Variants in RGS7 observed in about 807,000 individuals in gnomAD.
RGS7 encodes regulator of G-protein signaling 7.
RGS7 carries 27 observed loss-of-function variants against 81.1 expected under a neutral mutation model. The ratio of observed to expected loss-of-function variants is 0.33; its 90% CI spans 0.25 to 0.46. RGS7 has a LOEUF of 0.46. RGS7 is among the 20% of genes least tolerant of loss of function. The pLI, the probability that RGS7 is intolerant of heterozygous loss-of-function variation, is 1.00. For synonymous variants in RGS7, 208 were observed against 207.7 expected (o/e 1.00, Z -0.01); for missense variants, 396 against 607.4 (o/e 0.65, Z 3.66).
intron 3 of RGS7, among the ~76,000 whole-genome samples, chr1:241,079,329 T>G (rs2678778): frequency 0.16 from 24,467 of 152,142 alleles, 2,046 homozygotes; most frequent in African/African-American, 0.19. Flanking sequence ...CAAACACTGA[T>G]TACTAAAGAG....
At chr1:241,036,775 G>A (rs1002124090) in intron 3 of RGS7, among the ~76,000 whole-genome samples, 1 of 152,152 alleles carries the variant, frequency 6.6e-6, no homozygotes, top group East Asian at 1.9e-4. Flanking sequence ...CTAGCTTGCC[G>A]TGCAGTTAGA....
intron 3 of RGS7, among the ~76,000 whole-genome samples, chr1:240,996,624 T>C (rs1687328096): frequency 1.3e-5 from 2 of 152,346 alleles, no homozygotes; most frequent in South Asian, 4.1e-4. Flanking sequence ...TATTCCAGGT[T>C]TCCTTTAATC....
intron 2 of RGS7, among the ~76,000 whole-genome samples, chr1:241,129,386 A>AT (rs1217898074): frequency 6.6e-6 from 1 of 152,184 alleles, no homozygotes; most frequent in East Asian, 1.9e-4. Flanking sequence ...GTTAAGTCAG[A>AT]TTCTTTCCGT....
chr1:240,948,872 C>T (rs932726454), intron 4 of RGS7, among the ~76,000 whole-genome samples: 2 of 150,524 alleles, frequency 1.3e-5, no homozygotes, highest in African/African-American at 4.9e-5. Context: ...TTTAAATTCT[C>T]ACCAAAAGGG....
At chr1:241,220,876 G>C (rs1204258344) in intron 2 of RGS7, among the ~76,000 whole-genome samples, 2 of 151,328 alleles carry the variant, frequency 1.3e-5, no homozygotes, top group Admixed American at 6.6e-5. Context: ...ACTCCAGCCT[G>C]GGTGACAGAC....
At chr1:241,302,619 T>A (rs2079839823) in intron 2 of RGS7, among the ~76,000 whole-genome samples, 1 of 152,148 alleles carries the variant, frequency 6.6e-6, no homozygotes, top group African/African-American at 2.4e-5. Flanking sequence ...GAATTTTCAG[T>A]AAAACAAATT....
At chr1:240,853,378 A>G (rs918631536) in intron 9 of RGS7, among the ~76,000 whole-genome samples, 12 of 152,226 alleles carry the variant, frequency 7.9e-5, no homozygotes, top group African/African-American at 2.9e-4. Flanking sequence ...TTACATTATG[A>G]TAACACTCTC....
chr1:240,986,487 A>G (rs1477949562), intron 3 of RGS7, among the ~76,000 whole-genome samples: 1 of 152,082 alleles, frequency 6.6e-6, no homozygotes, highest in African/African-American at 2.4e-5. Context: ...CCCCTCCCCA[A>G]ATTCTATTTT....
intron 2 of RGS7, among the ~76,000 whole-genome samples, chr1:241,099,490 G>A (rs935605767): frequency 2.6e-5 from 4 of 152,024 alleles, no homozygotes; most frequent in South Asian, 2.1e-4. Flanking sequence ...CCTTCTGTCC[G>A]TTTACTAGAT....
intron 14 of RGS7, among the ~76,000 whole-genome samples, chr1:240,808,707 A>G (rs1689309421): frequency 6.6e-6 from 1 of 152,138 alleles, no homozygotes; most frequent in Non-Finnish European, 1.5e-5. Flanking sequence ...TAATTATTGT[A>G]ATAGCTTAAT....
At chr1:240,991,832 G>A (rs80180902) in intron 3 of RGS7, among the ~76,000 whole-genome samples, 3,294 of 152,140 alleles carry the variant, frequency 0.022, 45 homozygotes, top group Non-Finnish European at 0.033. Context: ...ATGCTAGCTG[G>A]TAGGCATAAA....
At chr1:240,886,271 A>G (rs1667321892) in intron 6 of RGS7, among the ~76,000 whole-genome samples, 1 of 152,212 alleles carries the variant, frequency 6.6e-6, no homozygotes, top group Non-Finnish European at 1.5e-5. Context: ...CACCTTTTTA[A>G]AGTACCACAA....
intron 2 of RGS7, among the ~76,000 whole-genome samples, chr1:241,135,472 G>A (rs1263588101): frequency 6.6e-6 from 1 of 152,076 alleles, no homozygotes; most frequent in Admixed American, 6.5e-5. Context: ...TGCTCCACAC[G>A]GCCTCGTGTT....
intron 4 of RGS7, among the ~76,000 whole-genome samples, chr1:240,951,899 T>C (rs1679625278): frequency 6.6e-6 from 1 of 152,088 alleles, no homozygotes; most frequent in Admixed American, 6.6e-5. Context: ...AAAAATATCC[T>C]TACCTATAGA....
intron 9 of RGS7, among the ~76,000 whole-genome samples, chr1:240,835,403 C>T (rs1694559889): frequency 6.6e-6 from 1 of 152,186 alleles, no homozygotes; most frequent in African/African-American, 2.4e-5. Flanking sequence ...CACTACACAC[C>T]TATTAGAATT....
chr1:241,003,486 C>T (rs908776083), intron 3 of RGS7, among the ~76,000 whole-genome samples: 3 of 146,006 alleles, frequency 2.1e-5, no homozygotes, highest in Admixed American at 2.1e-4. Flanking sequence ...AAAAAAAGTA[C>T]TGTGCCAATA....
chr1:241,174,895 G>GTT (rs551122102), intron 2 of RGS7, among the ~76,000 whole-genome samples: 864 of 69,286 alleles, frequency 0.012, 9 homozygotes, highest in East Asian at 0.018. Flanking sequence ...ACAGAATTTT[G>GTT]TTTTTTTTTT....
chr1:240,997,561 A>G lies in RGS7; in HGVS notation c.176-14432T>C, dbSNP rs548545741. On this transcript the variant is annotated intron_variant, in intron 3 of 18. Coordinates refer to ENST00000440928, the MANE Select transcript of RGS7 (RefSeq NM_001364886.1). Reference sequence around the variant, plus strand: ...TTCAGAAGGATGGGTGCAGTGGCTCACACCTGTAATCTCAGCACTTTGGGG... The same window carrying G: ...TTCAGAAGGATGGGTGCAGTGGCTCGCACCTGTAATCTCAGCACTTTGGGG... Among the ~76,000 whole-genome samples the G allele has an allele frequency of 4.0e-3, 604 of 152,324 alleles. 4 individuals are homozygous for G. Among genetic ancestry groups the G allele is most frequent in the African/African-American group, 0.012 (486 of 41,566 alleles).
chr1:241,274,817 G>A (rs775455183), intron 2 of RGS7, among the ~76,000 whole-genome samples: 6 of 152,098 alleles, frequency 3.9e-5, no homozygotes, highest in Non-Finnish European at 7.4e-5. Context: ...TGCAAATCTA[G>A]GTTTTCCCTG....
Sources: allele counts gnomAD v4.1 joint callset (sites outside exome capture counted in the v4.1 genomes callset), GRCh38; gene constraint gnomAD v4.1.1; transcripts MANE v1.5; gene names NCBI Gene and HGNC (gene_info 2026-07-23, HGNC 2026-07-21).